Variants in BICC1 observed in about 807,000 individuals in gnomAD.
The protein encoded by BICC1 is BicC family RNA binding protein 1.
BICC1 carries 43 observed loss-of-function variants against 111.0 expected under a neutral mutation model. The observed-to-expected ratio is 0.39, with a 90% CI of 0.30 to 0.50. BICC1 has a LOEUF of 0.50. Ranked by LOEUF, BICC1 falls within the 20% of genes least tolerant of loss-of-function variation. BICC1 has a pLI of 0.88. For synonymous variants in BICC1, 467 were observed against 434.4 expected (o/e 1.07, Z -0.93); for missense variants, 1,091 against 1,203.2 (o/e 0.91, Z 1.38).
At chr10:58,789,485 C>A in intron 7 of BICC1, 29 bp downstream of exon 7, 1 of 1,572,278 alleles carries the variant, frequency 6.4e-7, no homozygotes, top group Non-Finnish European at 8.7e-7. Flanking sequence ...TCTGCACATC[C>A]TATATGTACA....
chr10:58,648,855 AC>A (rs1838353537), intron 2 of BICC1, among the ~76,000 whole-genome samples: 1 of 152,132 alleles, frequency 6.6e-6, no homozygotes, highest in African/African-American at 2.4e-5. Flanking sequence ...TTTGAGTAGG[AC>A]CTTGCTTGTT....
chr10:58,782,698 A>G (rs1175734101), intron 3 of BICC1, among the ~76,000 whole-genome samples: 2 of 152,262 alleles, frequency 1.3e-5, no homozygotes, highest in Middle Eastern at 3.4e-3. Flanking sequence ...GGTAGACAGC[A>G]ACTGGAAAAC....
At chr10:58,530,209 T>C (rs950310717) in intron 1 of BICC1, among the ~76,000 whole-genome samples, 13 of 151,830 alleles carry the variant, frequency 8.6e-5, no homozygotes, top group African/African-American at 2.7e-4. Flanking sequence ...GTCACGTACC[T>C]CCACCCCACA....
chr10:58,519,622 A>AT lies in BICC1; in HGVS notation c.190+6297dup, dbSNP rs201030022. Among the ~76,000 whole-genome samples, 977 of 151,932 alleles carry AT rather than the reference A, an allele frequency of 6.4e-3. 8 individuals carry two copies. The highest frequency in any genetic ancestry group is 0.022 in the African/African-American group (923 of 41,440). ...CTTTCTTTCCTTTTTTTAAATTATAATTTTTTTTCATCAGGCAGCCCCTGA... is the reference window on the plus strand; with the variant it reads ...CTTTCTTTCCTTTTTTTAAATTATAATTTTTTTTTCATCAGGCAGCCCCTGA... On this transcript the variant is annotated intron_variant, in intron 1 of 20. Transcript: ENST00000373886.
At chr10:58,708,538 G>C (rs746617128) in intron 3 of BICC1, among the ~76,000 whole-genome samples, 3 of 152,020 alleles carry the variant, frequency 2.0e-5, no homozygotes, top group Non-Finnish European at 4.4e-5. Context: ...GAGACTTCCA[G>C]CCTGCAGTAG....
chr10:58,699,677 GATCTTATTTTTCT>G (rs1161115561), intron 2 of BICC1, among the ~76,000 whole-genome samples: 1 of 151,834 alleles, frequency 6.6e-6, no homozygotes, highest in African/African-American at 2.4e-5. Context: ...ATTATAGTAA[GATCTTATTTTTCT>G]ATCTTTCTTT....
intron 3 of BICC1, among the ~76,000 whole-genome samples, chr10:58,783,273 G>C (rs569323542): frequency 6.6e-6 from 1 of 152,154 alleles, no homozygotes; most frequent in Non-Finnish European, 1.5e-5. Context: ...GAGGCCAGAG[G>C]CATTCCTGAA....
At chr10:58,610,925 G>A (rs1380019399) in intron 1 of BICC1, among the ~76,000 whole-genome samples, 1 of 152,126 alleles carries the variant, frequency 6.6e-6, no homozygotes, top group Non-Finnish European at 1.5e-5. Context: ...CTTCTCCACT[G>A]AGAGCTGCAC....
intron 2 of BICC1, among the ~76,000 whole-genome samples, chr10:58,654,305 G>A (rs6481419): frequency 0.98 from 81,389 of 83,062 alleles, 39,983 homozygotes; most frequent in Middle Eastern, 1. Flanking sequence ...CCAACAGTGT[G>A]AAAGTGTTCC....
At chr10:58,727,385 G>C (rs922190916) in intron 3 of BICC1, among the ~76,000 whole-genome samples, 1 of 152,052 alleles carries the variant, frequency 6.6e-6, no homozygotes, top group African/African-American at 2.4e-5. Context: ...CCAGGAGTTC[G>C]AGACCAGCCT....
intron 2 of BICC1, among the ~76,000 whole-genome samples, chr10:58,666,512 G>A (rs1839016050): frequency 1.3e-5 from 2 of 152,140 alleles, no homozygotes; most frequent in Non-Finnish European, 2.9e-5. Context: ...CTAATAGGTT[G>A]CTGAATGTGA....
chr10:58,647,202 T>C (rs1199079917), intron 2 of BICC1, among the ~76,000 whole-genome samples: 3 of 152,210 alleles, frequency 2.0e-5, no homozygotes, highest in Non-Finnish European at 4.4e-5. Context: ...AAATCCTTTT[T>C]AGTTATAGTC....
chr10:58,648,482 C>T, intron 2 of BICC1: 1 of 981,922 alleles, frequency 1.0e-6, no homozygotes. Context: ...ATGTAGAATA[C>T]TCTTGTATGC....
At chr10:58,554,360 A>T (rs1458648654) in intron 1 of BICC1, among the ~76,000 whole-genome samples, 5 of 152,164 alleles carry the variant, frequency 3.3e-5, no homozygotes, top group African/African-American at 1.2e-4. Flanking sequence ...CTGTCTTGTA[A>T]GACAAAAATG....
intron 1 of BICC1, among the ~76,000 whole-genome samples, chr10:58,595,858 A>G (rs922031048): frequency 1.3e-5 from 2 of 152,228 alleles, no homozygotes; most frequent in South Asian, 4.1e-4. Context: ...AGAAATAACT[A>G]AGATCAGAGC....
chr10:58,662,828 A>G (rs758403995), intron 2 of BICC1, among the ~76,000 whole-genome samples: 3 of 152,228 alleles, frequency 2.0e-5, no homozygotes, highest in African/African-American at 4.8e-5. Context: ...AGTTCTGAAC[A>G]TTCAGTTACA....
chr10:58,603,507 A>G (rs529546823), intron 1 of BICC1, among the ~76,000 whole-genome samples: 22 of 152,308 alleles, frequency 1.4e-4, no homozygotes, highest in South Asian at 8.3e-4. Context: ...CGCTACCTCT[A>G]TGTATCTTCA....
intron 2 of BICC1, among the ~76,000 whole-genome samples, chr10:58,665,224 C>T (rs1253787177): frequency 3.3e-5 from 5 of 152,124 alleles, no homozygotes; most frequent in Non-Finnish European, 1.5e-5. Flanking sequence ...AGTGTTCCCA[C>T]CTCTCTCAAA....
At chr10:58,594,450 A>T (rs2132050161) in intron 1 of BICC1, among the ~76,000 whole-genome samples, 1 of 152,296 alleles carries the variant, frequency 6.6e-6, no homozygotes. Flanking sequence ...GAAATGAGGG[A>T]AAAAATATTA....
Sources: allele counts gnomAD v4.1 joint callset (sites outside exome capture counted in the v4.1 genomes callset), GRCh38; gene constraint gnomAD v4.1.1; transcripts MANE v1.5; gene names NCBI Gene and HGNC (gene_info 2026-07-23, HGNC 2026-07-21).